The following HLA-DQB1 variants were observed in gnomAD, a reference collection of about 807,000 sequenced individuals.
HLA-DQB1 encodes major histocompatibility complex, class II, DQ beta 1, also known as HLA class II histocompatibility antigen, DQ beta 1 chain.
In HLA-DQB1, 13 loss-of-function variants were observed where a neutral mutation model predicts 26.4. The observed-to-expected ratio is 0.49, with a 90% CI of 0.32 to 0.78. The LOEUF is 0.78. Ranked by LOEUF, HLA-DQB1 falls within the 30% of genes least tolerant of loss-of-function variation. HLA-DQB1 has a pLI of 0.03. For synonymous variants in HLA-DQB1, 60 were observed against 129.1 expected, an observed-to-expected ratio of 0.46 and a Z score of 3.63; for missense variants, 158 against 326.2, an observed-to-expected ratio of 0.48 and a Z score of 3.97.
In HLA-DQB1 at chr6:32,661,195, A is replaced by T. The variant is rs1782947021; in HGVS notation, c.772+152T>A. ...TGACAGCGCTACCTTTCAACCAGTA[A>T]AATCAGATTCCAATGCCTCCTCCCA... On this transcript the variant is annotated intron_variant, in intron 4 of 4. Coordinates refer to ENST00000434651, the Ensembl canonical transcript of HLA-DQB1. 9.2e-6 allele frequency: 3 copies of T among 327,162 alleles called. 1 individual carries two copies. The Admixed American group carries it at 2.0e-4, about 22-fold the overall frequency. 20.3% of individuals were successfully genotyped at this position (327,162 alleles called of 1,614,324 possible).
chr6:32,663,738 C>A (rs281863269), intron 2 of HLA-DQB1: 10 of 145,476 alleles, frequency 6.9e-5, no homozygotes, highest in Admixed American at 2.1e-4. Context: ...GTAAAATTGA[C>A]TTTCAGAATG....
At chr6:32,661,737 T>A (rs9273807) in intron 3 of HLA-DQB1, 99,263 of 460,934 alleles carry the variant, frequency 0.22, 15,114 homozygotes, top group South Asian at 0.26. Context: ...CCCTCAGAGC[T>A]ATCAGGACTG....
At chr6:32,664,967 C>T (rs1049082) in exon 2 of HLA-DQB1, 431,080 of 1,250,574 alleles carry the variant, frequency 0.34, 109,059 homozygotes, top group Admixed American at 0.49. Context: ...TGTCGAAGCG[C>T]GCGTACTCCT....
At chr6:32,661,214 C>T (rs117369774) in intron 4 of HLA-DQB1, 133 bp downstream of exon 4, 19,364 of 271,128 alleles carry the variant, frequency 0.071, 5,174 homozygotes, top group East Asian at 0.36. Flanking sequence ...TCCAATGCCT[C>T]CTCCCATCTT....
In HLA-DQB1 at chr6:32,660,858, C is replaced by T. The variant is rs76282264; in HGVS notation, c.772+489G>A. On this transcript the variant is annotated intron_variant, in intron 4 of 4. Coordinates refer to ENST00000434651, the Ensembl canonical transcript of HLA-DQB1. Reference sequence around the variant, plus strand: ...ACACTGGATCATGGCTGAAATATTACCTGCTGGTGGAGGCCCTTGAGGTCT... The same window carrying T: ...ACACTGGATCATGGCTGAAATATTATCTGCTGGTGGAGGCCCTTGAGGTCT... The T allele has an allele frequency of 3.6e-3, 5,473 of 1,505,216 alleles. 131 individuals are homozygous for T. In the African/African-American group the frequency reaches 0.054, roughly 15 times the overall value. The allele number at this position is 1,505,216 out of a possible 1,614,324, so 93.2% of individuals were successfully genotyped here. A position where few individuals can be genotyped will look rare whatever the true frequency, so the allele number is the denominator to read the frequency against.
At chr6:32,660,362 G>A (rs9273484) in intron 4 of HLA-DQB1, 113 bp from the exon 5 acceptor site, 27,238 of 494,638 alleles carry the variant, frequency 0.055, 2,491 homozygotes, top group Admixed American at 0.15. Flanking sequence ...GAGGTCCAGG[G>A]TGTATTGTCA....
chr6:32,664,649 G>C (rs281862205), intron 2 of HLA-DQB1, 149 bp downstream of exon 2: 3 of 210,460 alleles, frequency 1.4e-5, no homozygotes, highest in Non-Finnish European at 1.7e-5. Context: ...CGATGCACCT[G>C]CCCCCACCAC....
intron 2 of HLA-DQB1, chr6:32,663,188 T>C (rs1349626484): frequency 7.6e-6 from 1 of 131,580 alleles, no homozygotes; most frequent in East Asian, 2.5e-4. Flanking sequence ...TTTGTTCATC[T>C]TCAACAGACT....
chr6:32,661,805 C>T (rs9273841), intron 3 of HLA-DQB1, 162 bp downstream of exon 3: 456,321 of 606,910 alleles, frequency 0.75, 174,799 homozygotes, highest in East Asian at 0.88. Context: ...GGTGATGAGA[C>T]CAGGATTCTT....
At chr6:32,665,659 C>T (rs72844390) in intron 1 of HLA-DQB1, among the ~76,000 whole-genome samples, 25,662 of 133,304 alleles carry the variant, frequency 0.19, 3,608 homozygotes, top group South Asian at 0.23. Context: ...GGAAAGAGCA[C>T]AAGCTTTTGA....
At chr6:32,664,649 GC>G (rs70996721) in intron 2 of HLA-DQB1, 148 bp downstream of exon 2, 57,832 of 207,038 alleles carry the variant, frequency 0.28, 17,596 homozygotes, top group East Asian at 0.41. Flanking sequence ...CGATGCACCT[GC>G]CCCCACCACC....
chr6:32,665,967 C>T (rs9274478), intron 1 of HLA-DQB1, among the ~76,000 whole-genome samples: 90,632 of 122,500 alleles, frequency 0.74, 34,583 homozygotes, highest in East Asian at 0.91. Context: ...CAGTGAAACC[C>T]GAAGACTCCC....
rs1310223262 is a variant in HLA-DQB1 at position 32,664,607 on chromosome 6, T to TC, written c.379+190dup. On this transcript the variant is annotated intron_variant, in intron 2 of 4. Coordinates refer to ENST00000434651, the Ensembl canonical transcript of HLA-DQB1. ...TAGGCAGCCTGGCCAACTCTGCTTG[T>TC]CCCCCTGCTCTGCCCTAGGTCCCCG... is the stretch of plus-strand genomic sequence containing the variant. The TC allele has an allele frequency of 2.3e-5, 7 of 303,298 alleles. 1 individual carries two copies. The highest frequency in any genetic ancestry group is 3.6e-5 in the Non-Finnish European group (6 of 168,278). 18.8% of individuals were successfully genotyped at this position (303,298 alleles called of 1,614,324 possible).
intron 1 of HLA-DQB1, among the ~76,000 whole-genome samples, chr6:32,665,675 A>T (rs281861514): frequency 5.7e-5 from 8 of 140,740 alleles, no homozygotes; most frequent in African/African-American, 2.1e-4. Flanking sequence ...TTTGAATTTG[A>T]TAAACTAGAT....
chr6:32,659,956 G>T, exon 5 of HLA-DQB1: 1 of 241,972 alleles, frequency 4.1e-6, no homozygotes. Flanking sequence ...TGCTTCTCTT[G>T]AGCAGTCTGA....
At chr6:32,666,296 G>A (rs72844397) in intron 1 of HLA-DQB1, among the ~76,000 whole-genome samples, 25,635 of 126,138 alleles carry the variant, frequency 0.2, 2,603 homozygotes, top group South Asian at 0.26. Context: ...CCAGGCTTAA[G>A]CCTGTAGGAT....
intron 3 of HLA-DQB1, 132 bp downstream of exon 3, chr6:32,661,835 G>A (rs9273855): frequency 0.36 from 266,042 of 735,772 alleles, 52,174 homozygotes; most frequent in South Asian, 0.45. Flanking sequence ...TTGCCATGGA[G>A]CAAGAGGTGC....
chr6:32,665,112 C>CAG (rs1554169926), intron 1 of HLA-DQB1, 45 bp from the exon 2 acceptor site: 24 of 1,020,886 alleles, frequency 2.4e-5, no homozygotes, highest in South Asian at 3.5e-5. Context: ...AGCCCGGCCG[C>CAG]CCCCGCAGCC....
rs281864104 is a variant in HLA-DQB1, at chr6:32,662,255, G to A, written c.380-7C>T. The A allele has an allele frequency of 4.0e-6, 5 of 1,265,192 alleles. No homozygotes were observed. The highest frequency in any genetic ancestry group is 2.4e-5 in the Admixed American group (1 of 41,182). The allele number at this position is 1,265,192 out of a possible 1,614,324, so 78.4% of individuals were successfully genotyped here. A position where few individuals can be genotyped will look rare whatever the true frequency, so the allele number is the denominator to read the frequency against. ...ATGGTCACTGTGGGCTCCACTGAGG[G>A]CAGTAACAGACAGGAAAAGACATAG... On this transcript the variant is annotated splice_polypyrimidine_tract_variant and splice_region_variant and intron_variant, in intron 2 of 4. Coordinates refer to ENST00000434651, the Ensembl canonical transcript of HLA-DQB1.
Sources: gnomAD v4.1 joint callset for allele counts (sites outside exome capture counted in the v4.1 genomes callset) on GRCh38, gnomAD v4.1.1 for gene constraint, MANE v1.5 for transcripts, NCBI Gene and HGNC (gene_info 2026-07-23, HGNC 2026-07-21) for gene names.